MAP3K15: variants seen among roughly 807,000 people sequenced by gnomAD.
MAP3K15 encodes the protein mitogen-activated protein kinase kinase kinase 15.
MAP3K15 carries 124 observed loss-of-function variants against 99.5 expected under a neutral mutation model. The ratio of observed to expected loss-of-function variants is 1.25; its 90% CI spans 1.08 to 1.45. MAP3K15 has a LOEUF of 1.45. Ranked by LOEUF, MAP3K15 falls within the 40% of genes most tolerant of loss-of-function variation. The pLI is 0.00. For missense variants in MAP3K15, 1,242 were observed against 1,079.7 expected (o/e 1.15, Z -2.11); for synonymous variants, 494 against 439.6 (o/e 1.12, Z -1.55).
chrX:19,425,595 C>T lies in MAP3K15; in HGVS notation c.1375G>A (p.Ala459Thr). The T allele has an allele frequency of 8.3e-7, 1 of 1,199,058 alleles. No homozygotes were observed. The highest frequency in any genetic ancestry group is 1.7e-5 in the African/African-American group (1 of 57,867). Residue 459 changes from alanine (A) to threonine (T), a missense_variant, in exon 9 of 29, where the codon GCC becomes ACC. Transcript: ENST00000338883. ...TGGACGGCTTTCCCGACATCATGGGCCAGCATGCTGACGCTGAAGAACTGA... is the reference window on the plus strand; with the variant it reads ...TGGACGGCTTTCCCGACATCATGGGTCAGCATGCTGACGCTGAAGAACTGA... ...VGQFFSVSMLAHDVGKAVQAA... is the reference protein window; with the variant it reads ...VGQFFSVSMLTHDVGKAVQAA...
intron 6 of MAP3K15, among the ~76,000 whole-genome samples, chrX:19,440,962 C>T (rs1307795952): frequency 8.9e-6 from 1 of 112,021 alleles, no homozygotes; most frequent in Non-Finnish European, 1.9e-5. Flanking sequence ...TGAGCAGGCT[C>T]CTACAACCCT....
chrX:19,397,379 C>A (rs995745816), intron 15 of MAP3K15, among the ~76,000 whole-genome samples: 2 of 111,708 alleles, frequency 1.8e-5, no homozygotes, highest in Admixed American at 9.5e-5. Flanking sequence ...AATGATGCAT[C>A]TGAACAAATC....
At chrX:19,444,616 G>A (rs1195627270) in intron 6 of MAP3K15, among the ~76,000 whole-genome samples, 1 of 111,965 alleles carries the variant, frequency 8.9e-6, no homozygotes, top group Admixed American at 9.5e-5. Context: ...AGATCTCGAA[G>A]TGTACATATT....
At chrX:19,400,529 G>A (rs779332711) in intron 14 of MAP3K15, 47 bp downstream of exon 14, 13 of 958,753 alleles carry the variant, frequency 1.4e-5, no homozygotes, top group African/African-American at 7.7e-5. Context: ...TTGAAGCATC[G>A]AACACACAAT....
intron 9 of MAP3K15, among the ~76,000 whole-genome samples, chrX:19,417,122 G>A (rs916070631): frequency 2.7e-5 from 3 of 111,938 alleles, no homozygotes; most frequent in African/African-American, 9.8e-5. Flanking sequence ...CATGAGCGAT[G>A]CAGAAGACGG....
intron 1 of MAP3K15, among the ~76,000 whole-genome samples, chrX:19,489,515 G>A (rs2064352406): frequency 9.0e-6 from 1 of 111,049 alleles, no homozygotes; most frequent in African/African-American, 3.3e-5. Flanking sequence ...CCAATATGAT[G>A]GTACCTGAAG....
At chrX:19,394,645 G>C (rs1360415808) in intron 16 of MAP3K15, among the ~76,000 whole-genome samples, 2 of 111,107 alleles carry the variant, frequency 1.8e-5, no homozygotes, top group African/African-American at 6.6e-5. Context: ...GACTGTGAAG[G>C]CCTCAAGGCC....
At chrX:19,501,247 G>A (rs1042110696) in intron 1 of MAP3K15, among the ~76,000 whole-genome samples, 13 of 111,930 alleles carry the variant, frequency 1.2e-4, no homozygotes, top group African/African-American at 3.9e-4. Flanking sequence ...GAGTTACAAC[G>A]CCATCTTTAA....
chrX:19,481,876 A>T (rs2064291964), intron 3 of MAP3K15: 1 of 111,284 alleles, frequency 9.0e-6, no homozygotes, highest in South Asian at 3.8e-4. Flanking sequence ...TTTCTTAAGA[A>T]ATTAAAGGTA....
chrX:19,477,157 C>A (rs1047254222), intron 3 of MAP3K15, among the ~76,000 whole-genome samples: 2 of 111,662 alleles, frequency 1.8e-5, no homozygotes, highest in African/African-American at 6.5e-5. Flanking sequence ...AAAGACATAT[C>A]CAGTTGGCAG....
rs2063376251 is a variant in MAP3K15, at chrX:19,371,594, T to A, written c.3109-64A>T. 7 of 1,031,604 alleles carry A rather than the reference T, an allele frequency of 6.8e-6. No homozygotes were observed. The South Asian group carries it at 1.3e-4, about 20-fold the overall frequency. 85.0% of individuals were successfully genotyped at this position (1,031,604 alleles called of 1,213,427 possible). On this transcript the variant is annotated intron_variant, in intron 22 of 28. Transcript: ENST00000338883. ...GAGAGAGCGAGAGTTCAGAACACAC[T>A]GGGGGAAACAAGATGGTCCATTTGC...
At chrX:19,371,116 TC>T in intron 23 of MAP3K15, 52 bp from the exon 24 acceptor site, 1 of 966,985 alleles carries the variant, frequency 1.0e-6, no homozygotes, top group Non-Finnish European at 1.4e-6. Context: ...AATCCAGATT[TC>T]CAGTGCATTG....
chrX:19,509,090 C>T (rs1184514515), intron 1 of MAP3K15, among the ~76,000 whole-genome samples: 1 of 110,250 alleles, frequency 9.1e-6, no homozygotes. Context: ...TGACACAGCC[C>T]CAAGATTTAG....
chrX:19,422,793 G>A (rs181443801), intron 9 of MAP3K15, among the ~76,000 whole-genome samples: 2 of 111,534 alleles, frequency 1.8e-5, no homozygotes, highest in African/African-American at 6.5e-5. Context: ...GTCCAACAAC[G>A]ATAGACTGAA....
intron 16 of MAP3K15, among the ~76,000 whole-genome samples, chrX:19,394,789 CTTTTTTTTTTTTTT>C (rs144723219): frequency 9.1e-4 from 16 of 17,518 alleles, no homozygotes; most frequent in African/African-American, 1.8e-3. Context: ...GGGTCTGTTG[CTTTTTTTTTTTTTT>C]TTTTTTTTTT....
intron 9 of MAP3K15, among the ~76,000 whole-genome samples, chrX:19,421,109 T>C (rs948882913): frequency 1.8e-5 from 2 of 110,899 alleles, no homozygotes; most frequent in Admixed American, 9.6e-5. Flanking sequence ...AGCATTCCCT[T>C]TGAAAACTGG....
chrX:19,360,798 G>GA lies in MAP3K15; in HGVS notation c.3892dup (p.Ser1298PhefsTer22). On this transcript the variant is annotated frameshift_variant, in exon 29 of 29. Coordinates refer to ENST00000338883, the MANE Select transcript of MAP3K15 (RefSeq NM_001001671.4). LOFTEE classifies it low-confidence loss of function (END_TRUNC). ...GGCCTCCTGAGCCCTTCTGTACTGGGAGACCGCACTCCAGAGTCTGCAGAG... is the reference window on the plus strand; with the variant it reads ...GGCCTCCTGAGCCCTTCTGTACTGGGAAGACCGCACTCCAGAGTCTGCAGAG... The GA allele has an allele frequency of 8.3e-7, 1 of 1,209,272 alleles. No individual in the cohort carries two copies. The highest frequency in any genetic ancestry group is 1.1e-6 in the Non-Finnish European group (1 of 894,486).
At chrX:19,432,035 A>C (rs893890668) in intron 6 of MAP3K15, among the ~76,000 whole-genome samples, 4 of 109,339 alleles carry the variant, frequency 3.7e-5, no homozygotes, top group African/African-American at 1.3e-4. Context: ...ACTTTAACAG[A>C]AAAATTATTT....
rs763731836 is a variant in MAP3K15 at position 19,398,236 on chromosome X, T to G, written c.2056A>C (p.Arg686=). The change falls in exon 15 of 29, where the codon AGA becomes CGA. Residue 686 remains arginine, a synonymous_variant. Coordinates refer to ENST00000338883, the MANE Select transcript of MAP3K15 (RefSeq NM_001001671.4). ...CCCGCCTGGACTTGCCTGCTATCTC[T>G]CTCCGGGATTTCTTTGATGGCTATT... ...VRIAIKEIPE[R]DSRYSQPLHE... is the part of the protein sequence containing the mutation. The G allele has an allele frequency of 1.7e-5, 20 of 1,209,327 alleles. No homozygotes were observed. The African/African-American group carries it at 3.2e-4, about 19-fold the overall frequency.
Sources: gnomAD v4.1 joint callset for allele counts (sites outside exome capture counted in the v4.1 genomes callset) on GRCh38, gnomAD v4.1.1 for gene constraint, MANE v1.5 for transcripts, NCBI Gene and HGNC (gene_info 2026-07-23, HGNC 2026-07-21) for gene names.